CAST: variants seen among roughly 807,000 people sequenced by gnomAD.
CAST encodes MIR583 host.
Under a neutral mutation model 119.6 loss-of-function variants are expected in CAST, and 76 were observed. That is an observed-to-expected ratio of 0.64 (90% CI 0.53 to 0.77). The LOEUF (loss-of-function observed/expected upper bound fraction) is 0.77. Ranked by LOEUF, CAST falls within the 30% of genes least tolerant of loss-of-function variation. The pLI, the probability that CAST is intolerant of heterozygous loss-of-function variation, is 0.00. For missense variants in CAST, 953 were observed against 946.5 expected (o/e 1.01, Z -0.09); for synonymous variants, 319 against 331.6 (o/e 0.96, Z 0.41).
At chr5:96,532,290 C>T (rs1745703654) in intron 1 of CAST, among the ~76,000 whole-genome samples, 1 of 152,136 alleles carries the variant, frequency 6.6e-6, no homozygotes, top group African/African-American at 2.4e-5. Flanking sequence ...GAATGAGAAA[C>T]AAAGACTCTT....
chr5:96,236,107 GTCTGTCTATCTATCTATCTC>G, the CAST span, among the ~76,000 whole-genome samples: 2 of 141,962 alleles, frequency 1.4e-5, no homozygotes, highest in African/African-American at 2.5e-5. Flanking sequence ...CTGTCTGTCT[GTCTGTCTATCTATCTATCTC>G]TCTATCTATC....
chr5:96,486,114 C>T, the CAST span, among the ~76,000 whole-genome samples: 2 of 152,074 alleles, frequency 1.3e-5, no homozygotes, highest in African/African-American at 4.8e-5. Flanking sequence ...TATATAAAAA[C>T]CCACCCTAAT....
At chr5:96,166,474 A>G in the CAST span, among the ~76,000 whole-genome samples, 2 of 152,140 alleles carry the variant, frequency 1.3e-5, no homozygotes, top group Admixed American at 6.5e-5. Context: ...TTCAGCTCAC[A>G]TCTCGGTTTC....
At chr5:96,412,747 G>A in the CAST span, among the ~76,000 whole-genome samples, 1 of 92,916 alleles carries the variant, frequency 1.1e-5, no homozygotes. Flanking sequence ...GTAGGCAGCT[G>A]TGATGTTTTT....
intron 24 of CAST, among the ~76,000 whole-genome samples, chr5:96,759,927 C>G (rs1384044490): frequency 6.6e-6 from 1 of 151,896 alleles, no homozygotes; most frequent in African/African-American, 2.4e-5. Flanking sequence ...TTAGGAAACA[C>G]TATGTACAAC....
At chr5:96,551,522 A>T (rs1444064365) in intron 1 of CAST, among the ~76,000 whole-genome samples, 2 of 152,200 alleles carry the variant, frequency 1.3e-5, no homozygotes, top group African/African-American at 4.8e-5. Flanking sequence ...AATGGGTGAA[A>T]TAACCAGCTA....
upstream of CAST, chr5:96,529,751 C>T (rs370932875): frequency 1.2e-4 from 51 of 427,064 alleles, 1 homozygote; most frequent in South Asian, 6.9e-4. Flanking sequence ...AGTCAGTTCT[C>T]ACGAGATATA....
chr5:96,253,901 A>T, the CAST span, among the ~76,000 whole-genome samples: 1 of 151,966 alleles, frequency 6.6e-6, no homozygotes. Context: ...TACCTTATCA[A>T]AGTCATTTTA....
the CAST span, among the ~76,000 whole-genome samples, chr5:96,200,142 G>T: frequency 6.6e-6 from 1 of 152,126 alleles, no homozygotes; most frequent in African/African-American, 2.4e-5. Context: ...CTGCCCGTGT[G>T]AATGGGAAGT....
the CAST span, among the ~76,000 whole-genome samples, chr5:96,288,217 T>TA: frequency 2.0e-5 from 3 of 152,136 alleles, no homozygotes; most frequent in Non-Finnish European, 4.4e-5. Flanking sequence ...TATAAGCAAA[T>TA]ACTCTGGAGA....
At chr5:96,662,551 C>T (rs1748684202) in intron 1 of CAST, 54 bp downstream of exon 1, 4 of 1,329,984 alleles carry the variant, frequency 3.0e-6, no homozygotes, top group Middle Eastern at 2.8e-4. Context: ...TACCGGGTCC[C>T]GGAGCTGTGG....
At chr5:96,071,388 T>C in the CAST span, among the ~76,000 whole-genome samples, 1 of 152,136 alleles carries the variant, frequency 6.6e-6, no homozygotes, top group African/African-American at 2.4e-5. Flanking sequence ...TTTCTGATTG[T>C]AGAATCACTT....
At chr5:96,323,486 G>A in the CAST span, among the ~76,000 whole-genome samples, 1 of 152,166 alleles carries the variant, frequency 6.6e-6, no homozygotes, top group Non-Finnish European at 1.5e-5. Context: ...ATCGGGAGCT[G>A]CAAAGAAAAA....
the CAST span, chr5:96,393,198 G>A: frequency 6.2e-7 from 1 of 1,613,976 alleles, no homozygotes; most frequent in Non-Finnish European, 8.5e-7. Context: ...TTTGCACTTG[G>A]GGACTTCTTT....
At chr5:96,388,039 G>T in the CAST span, among the ~76,000 whole-genome samples, 154 of 152,326 alleles carry the variant, frequency 1.0e-3, no homozygotes, top group Non-Finnish European at 1.8e-3. Context: ...ATATGGGGGT[G>T]TATAGAGATG....
At chr5:96,153,991 G>A in the CAST span, among the ~76,000 whole-genome samples, 26 of 152,098 alleles carry the variant, frequency 1.7e-4, no homozygotes, top group Middle Eastern at 3.2e-3. Context: ...TATTTCCACT[G>A]CAAAACTTAA....
the CAST span, among the ~76,000 whole-genome samples, chr5:96,504,238 C>G: frequency 6.6e-6 from 1 of 152,160 alleles, no homozygotes; most frequent in Non-Finnish European, 1.5e-5. Flanking sequence ...GCTATCTGGC[C>G]CCATCAGCTT....
chr5:96,537,974 C>T (rs1160875548), intron 1 of CAST, among the ~76,000 whole-genome samples: 17 of 152,212 alleles, frequency 1.1e-4, no homozygotes, highest in Non-Finnish European at 4.4e-5. Flanking sequence ...TTCATGCTTT[C>T]AGCCCTCTCT....
intron 1 of CAST, among the ~76,000 whole-genome samples, chr5:96,636,400 A>G (rs1747886623): frequency 6.6e-6 from 1 of 152,200 alleles, no homozygotes; most frequent in South Asian, 2.1e-4. Flanking sequence ...TTCCAATTTT[A>G]GGGTCAAAAA....
Sources: allele counts gnomAD v4.1 joint callset (sites outside exome capture counted in the v4.1 genomes callset), GRCh38; gene constraint gnomAD v4.1.1; transcripts MANE v1.5; gene names NCBI Gene and HGNC (gene_info 2026-07-23, HGNC 2026-07-21).